The following HIPK3 variants were observed in gnomAD, a reference collection of about 807,000 sequenced individuals.
The protein encoded by HIPK3 is homeodomain-interacting protein kinase 3.
HIPK3 carries 47 observed loss-of-function variants against 124.2 expected under a neutral mutation model. That is an observed-to-expected ratio of 0.38 (90% CI 0.30 to 0.48). The LOEUF (loss-of-function observed/expected upper bound fraction) is 0.48. Ranked by LOEUF, HIPK3 falls within the 20% of genes least tolerant of loss-of-function variation. HIPK3 has a pLI of 0.98. For synonymous variants in HIPK3, 482 were observed against 515.2 expected, an observed-to-expected ratio of 0.94 and a Z score of 0.87; for missense variants, 1,286 against 1,454.3, an observed-to-expected ratio of 0.88 and a Z score of 1.88.
At chr11:33,301,175 A>G (rs573653211) in intron 2 of HIPK3, among the ~76,000 whole-genome samples, 1 of 152,132 alleles carries the variant, frequency 6.6e-6, no homozygotes, top group Non-Finnish European at 1.5e-5. Context: ...TATTTGCTCA[A>G]TTTTGGAATA....
intron 1 of HIPK3, among the ~76,000 whole-genome samples, chr11:33,270,737 CTT>C (rs1851103138): frequency 6.6e-6 from 1 of 152,042 alleles, no homozygotes; most frequent in Non-Finnish European, 1.5e-5. Context: ...AGGTGGATCA[CTT>C]TTGCACAGGA....
chr11:33,280,950 T>TA (rs1244859032), intron 1 of HIPK3, among the ~76,000 whole-genome samples: 7 of 152,120 alleles, frequency 4.6e-5, no homozygotes, highest in African/African-American at 1.7e-4. Context: ...AGTGTGACTC[T>TA]ACATGGCCCT....
At chr11:33,351,159 G>A (rs1350301747) in intron 14 of HIPK3, among the ~76,000 whole-genome samples, 1 of 152,040 alleles carries the variant, frequency 6.6e-6, no homozygotes, top group Non-Finnish European at 1.5e-5. Flanking sequence ...TTAGGTACAA[G>A]GACCCAAATT....
chr11:33,309,631 G>A (rs1852264042), intron 2 of HIPK3, among the ~76,000 whole-genome samples: 1 of 152,160 alleles, frequency 6.6e-6, no homozygotes. Flanking sequence ...CTCTTTTGGG[G>A]TTCAGATTAT....
At chr11:33,327,611 A>G (rs1322784026) in intron 2 of HIPK3, among the ~76,000 whole-genome samples, 19 of 152,200 alleles carry the variant, frequency 1.2e-4, no homozygotes. Flanking sequence ...ATGTAGGAGA[A>G]TATTCTTCTT....
chr11:33,329,781 C>G (rs16924151), intron 3 of HIPK3, among the ~76,000 whole-genome samples: 1,562 of 152,322 alleles, frequency 0.01, 31 homozygotes, highest in African/African-American at 0.035. Context: ...GCAAGACTAC[C>G]GTCAGTTCTG....
intron 2 of HIPK3, among the ~76,000 whole-genome samples, chr11:33,325,294 T>C (rs1852777787): frequency 6.6e-6 from 1 of 152,234 alleles, no homozygotes; most frequent in Admixed American, 6.5e-5. Flanking sequence ...ATTGTTACTT[T>C]CCTTTATTGC....
intron 1 of HIPK3, chr11:33,258,454 T>C (rs554534289): frequency 1.0e-6 from 1 of 985,266 alleles, no homozygotes; most frequent in Non-Finnish European, 1.2e-6. Flanking sequence ...GGGTGTCAAC[T>C]CTGGGGACGT....
chr11:33,309,330 G>T (rs1030228664), intron 2 of HIPK3, among the ~76,000 whole-genome samples: 5 of 152,080 alleles, frequency 3.3e-5, no homozygotes, highest in African/African-American at 1.2e-4. Context: ...GCCCAGCCTG[G>T]CCTCCAACTT....
At chr11:33,312,231 G>A (rs889268991) in intron 2 of HIPK3, among the ~76,000 whole-genome samples, 3 of 152,070 alleles carry the variant, frequency 2.0e-5, no homozygotes, top group African/African-American at 4.8e-5. Flanking sequence ...TTCTTTATTA[G>A]ACAATATAAT....
At chr11:33,306,472 T>TC (rs1309167675) in intron 2 of HIPK3, among the ~76,000 whole-genome samples, 2 of 152,074 alleles carry the variant, frequency 1.3e-5, no homozygotes, top group Non-Finnish European at 2.9e-5. Context: ...TTGCTTTTTT[T>TC]TAAAAAAAAT....
At chr11:33,311,933 ACACT>A (rs1355622269) in intron 2 of HIPK3, among the ~76,000 whole-genome samples, 2 of 140,426 alleles carry the variant, frequency 1.4e-5, no homozygotes, top group Non-Finnish European at 3.1e-5. Flanking sequence ...ACACACACAC[ACACT>A]ACACACACAC....
chr11:33,351,731 A>G lies in HIPK3; in HGVS notation c.2931A>G (p.Thr977=). Residue 977 remains threonine, a synonymous_variant, in exon 15 of 17, where the codon ACA becomes ACG. Transcript: ENST00000303296. ...TTGTGGAGGACACTCATGAAAACAC[A>G]GAATTGGTATCCTCTGCTGACACAG... The part of the protein sequence containing the change: ...STFVEDTHEN[T]ELVSSADTET... 1 of 1,614,220 alleles carries G rather than the reference A, an allele frequency of 6.2e-7. No individual in the cohort carries two copies. Among genetic ancestry groups the G allele is most frequent in the Non-Finnish European group, 8.5e-7 (1 of 1,180,038 alleles).
chr11:33,300,361 A>AT (rs1189995174), intron 2 of HIPK3, among the ~76,000 whole-genome samples: 1 of 151,974 alleles, frequency 6.6e-6, no homozygotes, highest in Non-Finnish European at 1.5e-5. Context: ...AAAAAAAAAA[A>AT]GAACTTGCAG....
intron 3 of HIPK3, among the ~76,000 whole-genome samples, chr11:33,334,426 A>G (rs963193090): frequency 1.3e-5 from 2 of 152,138 alleles, no homozygotes; most frequent in East Asian, 1.9e-4. Flanking sequence ...AAACTGGCCC[A>G]TGTGGTTCGA....
intron 3 of HIPK3, among the ~76,000 whole-genome samples, 173 bp from the exon 4 acceptor site, chr11:33,336,902 C>T (rs1590183159): frequency 6.6e-6 from 1 of 152,154 alleles, no homozygotes; most frequent in South Asian, 2.1e-4. Flanking sequence ...TATTATGATA[C>T]TTATAATTCC....
At chr11:33,305,384 G>GTAGA (rs1318175450) in intron 2 of HIPK3, among the ~76,000 whole-genome samples, 1 of 152,132 alleles carries the variant, frequency 6.6e-6, no homozygotes, top group Non-Finnish European at 1.5e-5. Flanking sequence ...TGTTATTAAG[G>GTAGA]TAGATGCTCT....
At chr11:33,281,203 G>T (rs1851404889) in intron 1 of HIPK3, among the ~76,000 whole-genome samples, 1 of 151,902 alleles carries the variant, frequency 6.6e-6, no homozygotes, top group Non-Finnish European at 1.5e-5. Context: ...CCGAGTAGCT[G>T]GGATTACAGG....
rs78061974 is a variant in HIPK3, at chr11:33,310,262, G to A, written c.1098-18248G>A. 6.3e-3 allele frequency among the ~76,000 whole-genome samples: 362 copies of A among 57,370 alleles called. 1 individual carries two copies. The highest frequency in any genetic ancestry group is 0.049 in the East Asian group (88 of 1,786). The allele number at this position is 57,370 out of a possible 152,430, so 37.6% of individuals were successfully genotyped here. A position where few individuals can be genotyped will look rare whatever the true frequency, so the allele number is the denominator to read the frequency against. Reference sequence around the variant, plus strand: ...TGTCTGTCTGTCTGTCTGTCTGTCTGTCTGTCTGTCTGTCTATCTTATCTA... The same window carrying A: ...TGTCTGTCTGTCTGTCTGTCTGTCTATCTGTCTGTCTGTCTATCTTATCTA... On this transcript the variant is annotated intron_variant, in intron 2 of 16. Transcript: ENST00000303296.
Sources: gnomAD v4.1 joint callset for allele counts (sites outside exome capture counted in the v4.1 genomes callset) on GRCh38, gnomAD v4.1.1 for gene constraint, MANE v1.5 for transcripts, NCBI Gene and HGNC (gene_info 2026-07-23, HGNC 2026-07-21) for gene names.